The following FAM163B variants were observed in gnomAD, a reference collection of about 807,000 sequenced individuals.
FAM163B encodes the protein family with sequence similarity 163 member B, also known as protein FAM163B.
A neutral mutation model predicts 7.6 loss-of-function variants in FAM163B; 4 were observed. That is an observed-to-expected ratio of 0.52 (90% CI 0.26 to 1.20). FAM163B has a LOEUF of 1.20. Ranked by LOEUF, FAM163B falls within the 50% of genes most tolerant of loss-of-function variation. FAM163B has a pLI of 0.14. For synonymous variants in FAM163B, 120 were observed against 111.6 expected (o/e 1.07, Z -0.47); for missense variants, 250 against 243.0 (o/e 1.03, Z -0.19).
In FAM163B at chr9:133,606,234, C is replaced by T. The variant is rs1158189181; in HGVS notation, c.-24+2843G>A. Among the ~76,000 whole-genome samples the T allele has an allele frequency of 5.3e-5, 8 of 152,240 alleles. No individual in the cohort carries two copies. The highest frequency in any genetic ancestry group is 1.7e-4 in the African/African-American group (7 of 41,470). ...ACTCTACCTCCACCAGCCCACTTCA[C>T]CCCAGGGGCAACAGGATTCCTTCCC... On this transcript the variant is annotated intron_variant, in intron 1 of 2. Coordinates refer to ENST00000673969, the MANE Select transcript of FAM163B (RefSeq NM_001080515.3). This position sits in a 1 kb window ranked among gnomAD's most constrained non-coding sequence, Gnocchi z 4.0.
rs1226567695 is a variant in FAM163B at position 133,578,015 on chromosome 9, C to T, written c.*1007G>A. On this transcript the variant is annotated 3_prime_UTR_variant, in exon 3 of 3. Coordinates refer to ENST00000673969, the MANE Select transcript of FAM163B (RefSeq NM_001080515.3). ...GGGAGGTGACCTGCAACTCTGTCTC[C>T]CTTGGGGATCTCAGTTCCTGTTGAG... 6.6e-6 allele frequency among the ~76,000 whole-genome samples: 1 copy of T among 152,100 alleles called. No individual in the cohort carries two copies. The highest frequency in any genetic ancestry group is 1.5e-5 in the Non-Finnish European group (1 of 68,010).
At chr9:133,590,663 C>T (rs112151537) in intron 1 of FAM163B, among the ~76,000 whole-genome samples, 4,804 of 152,274 alleles carry the variant, frequency 0.032, 107 homozygotes, top group Non-Finnish European at 0.051. Flanking sequence ...CAGGTGGACT[C>T]TCTGCTCAGT....
At position 133,601,433 on chromosome 9, in the gene FAM163B, T is replaced by A. The variant is rs1470808883; in HGVS notation, c.-24+7644A>T. Among the ~76,000 whole-genome samples, 2 of 152,076 alleles carry A rather than the reference T, an allele frequency of 1.3e-5. No individual in the cohort carries two copies. The highest frequency in any genetic ancestry group is 6.5e-5 in the Admixed American group (1 of 15,272). On this transcript the variant is annotated intron_variant, in intron 1 of 2. Transcript: ENST00000673969. This position sits in a 1 kb window ranked among gnomAD's most constrained non-coding sequence, Gnocchi z 4.1. Reference sequence around the variant, plus strand: ...AGGGTCTGTCTTGCAGGTGAGAGGATTTTTTAGAAACTGGTCATGCTGTCA... The same window carrying A: ...AGGGTCTGTCTTGCAGGTGAGAGGAATTTTTAGAAACTGGTCATGCTGTCA...
intron 1 of FAM163B, among the ~76,000 whole-genome samples, chr9:133,594,503 C>A (rs1454009049): frequency 6.6e-6 from 1 of 151,968 alleles, no homozygotes; most frequent in East Asian, 1.9e-4. Context: ...CTGGAGCAAG[C>A]CTTTCCTGAT....
At chr9:133,588,949 G>GAGAGCATATTTA (rs1831494384) in intron 1 of FAM163B, among the ~76,000 whole-genome samples, 1 of 152,056 alleles carries the variant, frequency 6.6e-6, no homozygotes, top group Non-Finnish European at 1.5e-5. Flanking sequence ...CCACCTCGTG[G>GAGAGCATATTTA]TCTGAAATAT....
At position 133,600,717 on chromosome 9, in the gene FAM163B, A is replaced by C. The variant is rs980925948; in HGVS notation, c.-24+8360T>G. Among the ~76,000 whole-genome samples the C allele has an allele frequency of 3.2e-5, 2 of 63,060 alleles. No individual in the cohort carries two copies. The highest frequency in any genetic ancestry group is 5.9e-5 in the Non-Finnish European group (2 of 34,070). 41.4% of individuals were successfully genotyped at this position (63,060 alleles called of 152,430 possible). ...TCCCAGAATCTTAAAGCCACATTTT[A>C]GAGTCTTAAAAATCAGAACATGCAA... On this transcript the variant is annotated intron_variant, in intron 1 of 2. Coordinates refer to ENST00000673969, the MANE Select transcript of FAM163B (RefSeq NM_001080515.3). The surrounding 1 kb of genome is among the most constrained non-coding windows in gnomAD (Gnocchi z 4.9).
At chr9:133,583,810 C>T (rs1456891869) in intron 1 of FAM163B, among the ~76,000 whole-genome samples, 1 of 152,236 alleles carries the variant, frequency 6.6e-6, no homozygotes, top group Non-Finnish European at 1.5e-5. Context: ...CAGCTGGAGC[C>T]TCTCAGCCTC....
At chr9:133,608,457 A>G (rs1230267240) in intron 1 of FAM163B, among the ~76,000 whole-genome samples, 3 of 151,220 alleles carry the variant, frequency 2.0e-5, no homozygotes, top group African/African-American at 7.3e-5. Flanking sequence ...GCAACCCCCC[A>G]CCTGTCAATG....
intron 1 of FAM163B, among the ~76,000 whole-genome samples, chr9:133,587,653 G>A (rs1326176293): frequency 6.6e-6 from 1 of 152,150 alleles, no homozygotes; most frequent in Non-Finnish European, 1.5e-5. Context: ...GGGTGTGGGA[G>A]GAGAGGGGAC....
rs1176652080 is a variant in FAM163B, at chr9:133,601,715, T to C, written c.-24+7362A>G. Among the ~76,000 whole-genome samples, 2 of 152,186 alleles carry C rather than the reference T, an allele frequency of 1.3e-5. No homozygotes were observed. Among genetic ancestry groups the C allele is most frequent in the Non-Finnish European group, 2.9e-5 (2 of 68,030 alleles). The stretch of plus-strand genomic sequence containing the variant: ...GACCCTGATGGGAAACCAGACGCCA[T>C]CTCTGTCCCTAATCATGGGGTGTCT... On this transcript the variant is annotated intron_variant, in intron 1 of 2. Transcript: ENST00000673969. This position sits in a 1 kb window ranked among gnomAD's most constrained non-coding sequence, Gnocchi z 4.1.
chr9:133,599,806 CAT>C (rs1180506346), intron 1 of FAM163B, among the ~76,000 whole-genome samples: 1 of 146,198 alleles, frequency 6.8e-6, no homozygotes, highest in African/African-American at 2.6e-5. Flanking sequence ...GATCTGTGTG[CAT>C]GTGTGTATAT....
Position 133,582,910 on chromosome 9 carries a change from C to T in FAM163B, c.-23-2664G>A, listed in dbSNP as rs1336727857. Among the ~76,000 whole-genome samples the T allele has an allele frequency of 1.1e-4, 17 of 152,300 alleles. No homozygotes were observed. In the East Asian group the frequency reaches 3.3e-3, roughly 29 times the overall value. ...AGAAGGCGCTGGTCCCCGGAGGGAG[C>T]GAGGAAGGCCACAGCTGCCGGAGAG... On this transcript the variant is annotated intron_variant, in intron 1 of 2. Coordinates refer to ENST00000673969, the MANE Select transcript of FAM163B (RefSeq NM_001080515.3).
intron 1 of FAM163B, among the ~76,000 whole-genome samples, chr9:133,594,169 G>A (rs1261647849): frequency 6.6e-6 from 1 of 152,202 alleles, no homozygotes; most frequent in Non-Finnish European, 1.5e-5. Context: ...ATAGTGCCAA[G>A]GTTTCCTTTA....
At chr9:133,609,013 T>C (rs1330825834) in intron 1 of FAM163B, among the ~76,000 whole-genome samples, 64 bp downstream of exon 1, 2 of 152,198 alleles carry the variant, frequency 1.3e-5, no homozygotes, top group Admixed American at 6.5e-5. Context: ...GGCACCTAGC[T>C]GGAGCTTTCC....
At chr9:133,593,102 A>G (rs1831579538) in intron 1 of FAM163B, among the ~76,000 whole-genome samples, 1 of 152,224 alleles carries the variant, frequency 6.6e-6, no homozygotes. Flanking sequence ...CCCTCTCATC[A>G]GTCTTTACAG....
intron 1 of FAM163B, among the ~76,000 whole-genome samples, chr9:133,591,437 C>T (rs1043563880): frequency 6.6e-6 from 1 of 152,172 alleles, no homozygotes; most frequent in Non-Finnish European, 1.5e-5. Context: ...CACACACAAG[C>T]TCATCCTGCC....
chr9:133,593,032 C>T (rs993550356), intron 1 of FAM163B, among the ~76,000 whole-genome samples: 6 of 152,166 alleles, frequency 3.9e-5, no homozygotes, highest in African/African-American at 7.2e-5. Context: ...GTTAGGAACA[C>T]GGAACGCGTG....
At chr9:133,593,007 G>A (rs1831577638) in intron 1 of FAM163B, among the ~76,000 whole-genome samples, 1 of 152,232 alleles carries the variant, frequency 6.6e-6, no homozygotes, top group South Asian at 2.1e-4. Context: ...TGCAGCCCAG[G>A]CCGAGGCCCT....
chr9:133,592,985 G>C (rs1428215031), intron 1 of FAM163B, among the ~76,000 whole-genome samples: 1 of 152,202 alleles, frequency 6.6e-6, no homozygotes, highest in Non-Finnish European at 1.5e-5. Context: ...AGCTTTGCTG[G>C]TGGTGCCAAT....
Sources: gnomAD v4.1 joint callset for allele counts (sites outside exome capture counted in the v4.1 genomes callset) on GRCh38, gnomAD v4.1.1 for gene constraint, Gnocchi (gnomAD v3.1) non-coding constraint, MANE v1.5 for transcripts, NCBI Gene and HGNC (gene_info 2026-07-23, HGNC 2026-07-21) for gene names.